Variants in PRELID2 observed in about 807,000 individuals in gnomAD.
The protein encoded by PRELID2 is PRELI domain containing 2, also known as PRELI domain-containing protein 2.
PRELID2 carries 25 observed loss-of-function variants against 28.4 expected under a neutral mutation model. The ratio of observed to expected loss-of-function variants is 0.88; its 90% CI spans 0.64 to 1.23. PRELID2 has a LOEUF of 1.23. PRELID2 is among the 50% of genes most tolerant of loss of function. The probability of loss-of-function intolerance (pLI) is 0.00; values close to 1 mark genes in which losing one functional copy is unlikely to be tolerated. For missense variants in PRELID2, 201 were observed against 214.4 expected (o/e 0.94, Z 0.39); for synonymous variants, 76 against 71.6 (o/e 1.06, Z -0.31).
intron 1 of PRELID2, among the ~76,000 whole-genome samples, chr5:145,824,775 T>C (rs1040621285): frequency 2.0e-5 from 3 of 152,188 alleles, no homozygotes; most frequent in African/African-American, 7.2e-5. Flanking sequence ...TGGCTCAGCT[T>C]TCAGCAACCT....
chr5:145,481,623 C>CAAAAAAAAAAAAAAAAAAAAAAAAAGAA (rs1752160619), intron 1 of PRELID2, among the ~76,000 whole-genome samples: 1 of 41,862 alleles, frequency 2.4e-5, no homozygotes, highest in Admixed American at 3.7e-4. Flanking sequence ...GCAAGGAAAT[C>CAAAAAAAAAAAAAAAAAAAAAAAAAGAA]AAAAAAAAAA....
intron 1 of PRELID2, among the ~76,000 whole-genome samples, chr5:145,641,472 G>A (rs1367295506): frequency 1.3e-5 from 2 of 152,142 alleles, no homozygotes; most frequent in East Asian, 3.9e-4. Flanking sequence ...ATGTAAAATT[G>A]ACAATACCAG....
At chr5:145,229,011 G>A in the PRELID2 span, 4 of 1,602,188 alleles carry the variant, frequency 2.5e-6, no homozygotes, top group Admixed American at 1.7e-5. Context: ...TGTCAGCAGG[G>A]AGTTTGTGGA....
At chr5:145,450,896 C>A in the PRELID2 span, 3 of 152,088 alleles carry the variant, frequency 2.0e-5, no homozygotes, top group South Asian at 6.2e-4. Flanking sequence ...TACATAGGAT[C>A]CACAGAGCAC....
At chr5:145,607,823 T>C (rs1753526359) in intron 1 of PRELID2, among the ~76,000 whole-genome samples, 1 of 152,324 alleles carries the variant, frequency 6.6e-6, no homozygotes, top group South Asian at 2.1e-4. Context: ...CGATGATTTG[T>C]CTAATACTGT....
At chr5:145,736,611 T>C (rs973374926) in intron 1 of PRELID2, among the ~76,000 whole-genome samples, 4 of 152,202 alleles carry the variant, frequency 2.6e-5, no homozygotes, top group African/African-American at 9.6e-5. Flanking sequence ...TTTTAAAATT[T>C]TTCATCTTCC....
chr5:145,520,643 C>A (rs765933396), intron 1 of PRELID2, among the ~76,000 whole-genome samples: 16 of 152,162 alleles, frequency 1.1e-4, no homozygotes, highest in African/African-American at 3.9e-4. Flanking sequence ...CAATGTTATA[C>A]CCTCCCTTGA....
intron 4 of PRELID2, among the ~76,000 whole-genome samples, chr5:145,813,074 C>T (rs146825264): frequency 8.1e-4 from 123 of 152,300 alleles, no homozygotes; most frequent in African/African-American, 2.9e-3. Context: ...TGAATTGAGC[C>T]AACAGGCCAT....
intron 1 of PRELID2, among the ~76,000 whole-genome samples, chr5:145,655,266 A>T (rs922295709): frequency 4.6e-5 from 7 of 152,162 alleles, no homozygotes; most frequent in Admixed American, 4.6e-4. Context: ...AAACAAATGG[A>T]AGAACATTCC....
At chr5:145,822,584 G>A (rs956257043) in intron 2 of PRELID2, among the ~76,000 whole-genome samples, 10 of 152,072 alleles carry the variant, frequency 6.6e-5, no homozygotes, top group African/African-American at 1.9e-4. Context: ...GTCATATCTC[G>A]TATTTAATCA....
At chr5:145,829,153 G>A (rs983323233) in intron 1 of PRELID2, among the ~76,000 whole-genome samples, 3 of 151,974 alleles carry the variant, frequency 2.0e-5, no homozygotes, top group Non-Finnish European at 4.4e-5. Flanking sequence ...AACCCAACTA[G>A]GCCTTGCAAA....
chr5:145,716,382 G>C (rs553107842), intron 1 of PRELID2, among the ~76,000 whole-genome samples: 1 of 152,244 alleles, frequency 6.6e-6, no homozygotes, highest in African/African-American at 2.4e-5. Context: ...AGAAGAAATC[G>C]TGGTGAGCTA....
intron 5 of PRELID2, among the ~76,000 whole-genome samples, chr5:145,777,035 T>C (rs1561595463): frequency 6.6e-6 from 1 of 152,212 alleles, no homozygotes; most frequent in Non-Finnish European, 1.5e-5. Flanking sequence ...CTGTAAGCAA[T>C]TCTGGCTCTT....
At chr5:145,648,533 T>C (rs1312763137) in intron 1 of PRELID2, among the ~76,000 whole-genome samples, 2 of 151,600 alleles carry the variant, frequency 1.3e-5, no homozygotes, top group African/African-American at 4.8e-5. Flanking sequence ...GTCAGTTTTA[T>C]TGTTGGTTCA....
the PRELID2 span, among the ~76,000 whole-genome samples, chr5:145,382,801 C>G: frequency 6.6e-6 from 1 of 151,864 alleles, no homozygotes; most frequent in Non-Finnish European, 1.5e-5. Flanking sequence ...TCCTTCAAAC[C>G]TCAGCATCAC....
intron 1 of PRELID2, among the ~76,000 whole-genome samples, chr5:145,746,091 G>A (rs1236961536): frequency 2.0e-5 from 3 of 152,138 alleles, no homozygotes; most frequent in African/African-American, 7.2e-5. Flanking sequence ...ATGACACTAT[G>A]AAGAAATTGC....
At chr5:145,627,539 C>T (rs1427370486) in intron 1 of PRELID2, among the ~76,000 whole-genome samples, 1 of 152,126 alleles carries the variant, frequency 6.6e-6, no homozygotes, top group African/African-American at 2.4e-5. Context: ...CTCACAACTG[C>T]CAACCCTACT....
chr5:145,377,633 T>C, the PRELID2 span, among the ~76,000 whole-genome samples: 1 of 152,208 alleles, frequency 6.6e-6, no homozygotes, highest in Non-Finnish European at 1.5e-5. Context: ...CTTCTTTGTC[T>C]TTTTTTAATT....
intron 1 of PRELID2, among the ~76,000 whole-genome samples, chr5:145,505,259 C>T (rs554821892): frequency 6.6e-6 from 1 of 152,208 alleles, no homozygotes; most frequent in Non-Finnish European, 1.5e-5. Context: ...CAAGTGCAAG[C>T]CATCATCAAT....
Sources: allele counts gnomAD v4.1 joint callset (sites outside exome capture counted in the v4.1 genomes callset), GRCh38; gene constraint gnomAD v4.1.1; transcripts MANE v1.5; gene names NCBI Gene and HGNC (gene_info 2026-07-23, HGNC 2026-07-21).